The following DISC1 variants were observed in gnomAD, a reference collection of about 807,000 sequenced individuals.
DISC1 encodes DISC1 scaffold protein.
DISC1 carries 57 observed loss-of-function variants against 84.5 expected under a neutral mutation model. The observed-to-expected ratio is 0.67, with a 90% CI of 0.55 to 0.84. The LOEUF is 0.84. DISC1 is among the 40% of genes least tolerant of loss of function. The pLI is 0.00. For missense variants in DISC1, 1,000 were observed against 1,057.8 expected, an observed-to-expected ratio of 0.95 and a Z score of 0.76; for synonymous variants, 411 against 415.2, an observed-to-expected ratio of 0.99 and a Z score of 0.12.
At chr1:231,770,793 G>C (rs750181170) in intron 5 of DISC1, 42 bp from the exon 6 acceptor site, 18 of 1,595,348 alleles carry the variant, frequency 1.1e-5, no homozygotes, top group Admixed American at 3.6e-5. Flanking sequence ...TTTGCCATGA[G>C]CAGGGTTAAT....
Position 231,886,771 on chromosome 1 carries a change from CT to C in DISC1, c.1981+68257del, listed in dbSNP as rs61498946. On this transcript the variant is annotated intron_variant, in intron 9 of 12. Transcript: ENST00000439617. ...TCTTCCTTTCTTCCTTCCTTCCTTT[CT>C]TTCTTTCTTTCTTTCTTTCTTTCTT... is the stretch of plus-strand genomic sequence containing the variant. Among the ~76,000 whole-genome samples, 10 of 73,486 alleles carry C rather than the reference CT, an allele frequency of 1.4e-4. No individual in the cohort carries two copies. In the South Asian group the frequency reaches 1.7e-3, roughly 12 times the overall value. The allele number at this position is 73,486 out of a possible 152,430, so 48.2% of individuals were successfully genotyped here.
chr1:231,941,326 A>G (rs821581), intron 9 of DISC1, among the ~76,000 whole-genome samples: 47,912 of 151,918 alleles, frequency 0.32, 8,462 homozygotes, highest in East Asian at 0.74. Flanking sequence ...CCCATCCCCG[A>G]GAGGCTTTCC....
rs574934806 is a variant in DISC1 at position 231,814,625 on chromosome 1, A to G, written c.1793-3704A>G. Among the ~76,000 whole-genome samples the G allele has an allele frequency of 1.1e-4, 16 of 152,248 alleles. No individual in the cohort carries two copies. The South Asian group carries it at 2.9e-3, about 28-fold the overall frequency. ...ATCATCCTGTGAACCATTGAAGTTG[A>G]TGGGAGGCAACTTTTTCTCCCCCAA... On this transcript the variant is annotated intron_variant, in intron 8 of 12. Coordinates refer to ENST00000439617, the MANE Select transcript of DISC1 (RefSeq NM_018662.3).
At chr1:231,878,007 T>G (rs1304573564) in intron 9 of DISC1, among the ~76,000 whole-genome samples, 2 of 152,234 alleles carry the variant, frequency 1.3e-5, no homozygotes, top group African/African-American at 4.8e-5. Flanking sequence ...AATTAAACAT[T>G]AAGAATCAAA....
intron 1 of DISC1, among the ~76,000 whole-genome samples, chr1:231,691,120 G>A (rs942786830): frequency 2.0e-5 from 3 of 152,092 alleles, no homozygotes; most frequent in African/African-American, 4.8e-5. Flanking sequence ...TTGGTTGAGT[G>A]GTTTTAGAAA....
intron 10 of DISC1, among the ~76,000 whole-genome samples, chr1:231,987,037 G>A (rs201540796): frequency 6.6e-6 from 1 of 152,100 alleles, no homozygotes; most frequent in South Asian, 2.1e-4. Flanking sequence ...TGGGACAGTC[G>A]GTCTGTTCAT....
At position 231,977,396 on chromosome 1, in the gene DISC1, C is replaced by A. The variant is rs368555063; in HGVS notation, c.2042+18508C>A. On this transcript the variant is annotated intron_variant, in intron 10 of 12. Coordinates refer to ENST00000439617, the MANE Select transcript of DISC1 (RefSeq NM_018662.3). ...GGAGAATCCATTTGCTTGCCTTTTT[C>A]ATCTCCTAGTGGCCACCTGCACTCC... 9.2e-5 allele frequency among the ~76,000 whole-genome samples: 14 copies of A among 152,284 alleles called. No homozygotes were observed. The East Asian group carries it at 1.9e-3, about 21-fold the overall frequency.
intron 9 of DISC1, among the ~76,000 whole-genome samples, chr1:231,915,878 CCT>C (rs1290575158): frequency 2.6e-5 from 4 of 152,184 alleles, no homozygotes; most frequent in African/African-American, 9.7e-5. Flanking sequence ...CAGGCTCAGT[CCT>C]CTGCTCAGCC....
At chr1:231,857,325 C>A (rs927627892) in intron 9 of DISC1, among the ~76,000 whole-genome samples, 3 of 152,210 alleles carry the variant, frequency 2.0e-5, no homozygotes, top group African/African-American at 7.2e-5. Context: ...ATTTCGAAGT[C>A]ATGTGTTGAC....
chr1:231,849,604 C>T (rs72760441), intron 9 of DISC1, among the ~76,000 whole-genome samples: 19,862 of 151,996 alleles, frequency 0.13, 1,724 homozygotes, highest in Non-Finnish European at 0.19. Context: ...GCGTGTGTTT[C>T]CCTCATACCA....
At chr1:231,818,871 G>A (rs1019408584) in intron 9 of DISC1, 15 of 1,090,638 alleles carry the variant, frequency 1.4e-5, no homozygotes, top group Admixed American at 4.8e-5. Context: ...CCGTCTCCTT[G>A]TCTGCACAAT....
intron 1 of DISC1, among the ~76,000 whole-genome samples, chr1:231,663,852 G>A (rs1456822465): frequency 1.3e-5 from 2 of 152,124 alleles, no homozygotes; most frequent in African/African-American, 4.8e-5. Context: ...TATAGATGCA[G>A]AATCTTATTT....
rs147362844 is a variant in DISC1 at position 232,009,385 on chromosome 1, A to C, written c.2307+336A>C. 7.7e-6 allele frequency: 6 copies of C among 779,728 alleles called. No homozygotes were observed. In the East Asian group the frequency reaches 4.9e-4, roughly 64 times the overall value. 48.3% of individuals were successfully genotyped at this position (779,728 alleles called of 1,614,324 possible). ...ATATAATATAGTTATTATATTCACT[A>C]TAGATTATATATGCCATACATGATA... On this transcript the variant is annotated intron_variant, in intron 11 of 12. Transcript: ENST00000439617. This position sits in a 1 kb window ranked among gnomAD's most constrained non-coding sequence, Gnocchi z 4.6.
At chr1:231,835,127 T>C (rs1316132463) in intron 9 of DISC1, among the ~76,000 whole-genome samples, 1 of 152,106 alleles carries the variant, frequency 6.6e-6, no homozygotes, top group Non-Finnish European at 1.5e-5. Flanking sequence ...AGATGTTCCT[T>C]TCTGAGGACC....
At chr1:231,665,731 A>G (rs1260632022) in intron 1 of DISC1, among the ~76,000 whole-genome samples, 2 of 152,228 alleles carry the variant, frequency 1.3e-5, no homozygotes, top group African/African-American at 2.4e-5. Context: ...TGGAGATTCA[A>G]AAGTTACAGT....
chr1:231,645,879 A>G (rs1332975460), intron 1 of DISC1, among the ~76,000 whole-genome samples: 1 of 150,444 alleles, frequency 6.6e-6, no homozygotes, highest in African/African-American at 2.4e-5. Context: ...TCCATGGTGT[A>G]TATGTGCCAC....
intron 9 of DISC1, among the ~76,000 whole-genome samples, chr1:231,889,313 A>C (rs1263075216): frequency 6.6e-6 from 1 of 152,218 alleles, no homozygotes; most frequent in Non-Finnish European, 1.5e-5. Context: ...ACCAAGACTA[A>C]GACTGAAGCC....
At chr1:231,754,023 CTG>C (rs2074885545) in intron 4 of DISC1, among the ~76,000 whole-genome samples, 1 of 152,204 alleles carries the variant, frequency 6.6e-6, no homozygotes, top group Non-Finnish European at 1.5e-5. Context: ...CTGGCTTTCA[CTG>C]TTCATATCAC....
intron 9 of DISC1, among the ~76,000 whole-genome samples, chr1:231,840,793 C>T (rs2082991902): frequency 6.6e-6 from 1 of 151,904 alleles, no homozygotes; most frequent in African/African-American, 2.4e-5. Flanking sequence ...CTGCAAGCTC[C>T]GCCTCAGCCC....
Sources: gnomAD v4.1 joint callset for allele counts (sites outside exome capture counted in the v4.1 genomes callset) on GRCh38, gnomAD v4.1.1 for gene constraint, Gnocchi (gnomAD v3.1) non-coding constraint, MANE v1.5 for transcripts, NCBI Gene and HGNC (gene_info 2026-07-23, HGNC 2026-07-21) for gene names.